TRDN: variants seen among roughly 807,000 people sequenced by gnomAD.
TRDN encodes triadin in skeletal muscle.
A neutral mutation model predicts 149.7 loss-of-function variants in TRDN; 161 were observed. That is an observed-to-expected ratio of 1.08 (90% CI 0.95 to 1.23). TRDN has a LOEUF of 1.23. Ranked by LOEUF, TRDN falls within the 50% of genes most tolerant of loss-of-function variation. TRDN has a pLI of 0.00. For missense variants in TRDN, 896 were observed against 823.5 expected (o/e 1.09, Z -1.08); for synonymous variants, 294 against 250.5 (o/e 1.17, Z -1.64).
chr6:123,390,535 T>C (rs1440266658), intron 13 of TRDN, among the ~76,000 whole-genome samples: 1 of 152,174 alleles, frequency 6.6e-6, no homozygotes, highest in Non-Finnish European at 1.5e-5. Flanking sequence ...GTTTCTGTTG[T>C]TGCCCTGGAT....
chr6:123,604,832 CAG>C (rs1249936973), intron 1 of TRDN, among the ~76,000 whole-genome samples: 2 of 86,298 alleles, frequency 2.3e-5, no homozygotes, highest in Admixed American at 2.2e-4. Context: ...GGTAAATAAA[CAG>C]ACAGTGGTGT....
intron 40 of TRDN, among the ~76,000 whole-genome samples, chr6:123,221,236 G>A (rs1775136676): frequency 6.6e-6 from 1 of 151,774 alleles, no homozygotes; most frequent in African/African-American, 2.4e-5. Flanking sequence ...TCAGAAATAT[G>A]TAGAAGGATT....
intron 9 of TRDN, among the ~76,000 whole-genome samples, chr6:123,492,039 G>T (rs984565357): frequency 6.6e-6 from 1 of 152,120 alleles, no homozygotes; most frequent in Non-Finnish European, 1.5e-5. Flanking sequence ...TAAAATGAGA[G>T]TACTAACTTA....
At chr6:123,305,939 A>C (rs1245396917) in intron 24 of TRDN, among the ~76,000 whole-genome samples, 1 of 152,144 alleles carries the variant, frequency 6.6e-6, no homozygotes, top group African/African-American at 2.4e-5. Context: ...AGTGGCTATA[A>C]CAAGTCTCAG....
intron 12 of TRDN, among the ~76,000 whole-genome samples, chr6:123,402,926 A>T (rs1255177053): frequency 6.6e-6 from 1 of 152,238 alleles, no homozygotes; most frequent in African/African-American, 2.4e-5. Flanking sequence ...ACATAATTTA[A>T]CTAAAGCTTT....
chr6:123,446,999 C>T (rs988627774), intron 10 of TRDN, among the ~76,000 whole-genome samples: 9 of 152,040 alleles, frequency 5.9e-5, no homozygotes, highest in African/African-American at 2.2e-4. Context: ...AGAGTACCTC[C>T]CTTCACATTG....
chr6:123,622,313 A>G (rs567191935), intron 1 of TRDN, among the ~76,000 whole-genome samples: 2 of 123,426 alleles, frequency 1.6e-5, no homozygotes, highest in East Asian at 5.5e-4. Context: ...CTATATATAT[A>G]TACAGACACA....
intron 2 of TRDN, among the ~76,000 whole-genome samples, chr6:123,560,153 AC>A (rs1190893495): frequency 1.3e-5 from 2 of 152,042 alleles, no homozygotes; most frequent in East Asian, 3.9e-4. Context: ...ACTTTTAGAG[AC>A]CCTCAAAATC....
At chr6:123,544,250 C>T (rs1179757787) in intron 4 of TRDN, among the ~76,000 whole-genome samples, 2 of 19,974 alleles carry the variant, frequency 1.0e-4, no homozygotes, top group East Asian at 4.0e-4. Context: ...TGTACATACA[C>T]ACACACACAC....
intron 24 of TRDN, among the ~76,000 whole-genome samples, chr6:123,300,288 A>C (rs1182946976): frequency 6.6e-6 from 1 of 152,048 alleles, no homozygotes; most frequent in East Asian, 1.9e-4. Flanking sequence ...CAAGAAAATC[A>C]GTCTGAAGAA....
Position 123,516,132 on chromosome 6 carries a change from A to C in TRDN, c.550+9T>G. 1 of 1,480,834 alleles carries C rather than the reference A, an allele frequency of 6.8e-7. No individual in the cohort carries two copies. The allele number at this position is 1,480,834 out of a possible 1,614,324, so 91.7% of individuals were successfully genotyped here. The stretch of plus-strand genomic sequence containing the variant: ...AGTGTGTTAAACAGTAATAAAAGTA[A>C]CTTCATACCTTTCTTTTCAGGTTTT... On this transcript the variant is annotated intron_variant, in intron 6 of 40. Coordinates refer to ENST00000334268, the MANE Select transcript of TRDN (RefSeq NM_006073.4).
At chr6:123,450,102 C>CAAAACAGAACCTCTTT (rs1775678402) in intron 10 of TRDN, among the ~76,000 whole-genome samples, 1 of 152,140 alleles carries the variant, frequency 6.6e-6, no homozygotes, top group Non-Finnish European at 1.5e-5. Flanking sequence ...GGAAACACAT[C>CAAAACAGAACCTCTTT]AAAACAGAAC....
At chr6:123,579,685 A>G (rs576905383) in intron 1 of TRDN, among the ~76,000 whole-genome samples, 13 of 151,986 alleles carry the variant, frequency 8.6e-5, no homozygotes, top group Non-Finnish European at 1.6e-4. Flanking sequence ...AGTGCCTCTG[A>G]TGTGGTTAGG....
rs118008992 is a variant in TRDN, at chr6:123,351,297, A to G, written c.1369+1242T>C. 164 of 953,130 alleles carry G rather than the reference A, an allele frequency of 1.7e-4. 1 individual carries two copies. In the East Asian group the frequency reaches 5.0e-3, roughly 29 times the overall value. 59.0% of individuals were successfully genotyped at this position (953,130 alleles called of 1,614,324 possible). A position where few individuals can be genotyped will look rare whatever the true frequency, so the allele number is the denominator to read the frequency against. On this transcript the variant is annotated intron_variant, in intron 21 of 40. Coordinates refer to ENST00000334268, the MANE Select transcript of TRDN (RefSeq NM_006073.4). ...TCACATATGTTTTCATGTTTGCCCT[A>G]TACAACATCTTCTCAGATGGGCAGA...
chr6:123,351,674 C>T (rs1780467803), intron 21 of TRDN: 1 of 945,580 alleles, frequency 1.1e-6, no homozygotes, highest in African/African-American at 1.8e-5. Flanking sequence ...ATATTTATGT[C>T]AAAAGATCTT....
chr6:123,294,762 C>T (rs1778136550), intron 24 of TRDN, among the ~76,000 whole-genome samples: 1 of 152,032 alleles, frequency 6.6e-6, no homozygotes, highest in South Asian at 2.1e-4. Context: ...GTTTTGGGGA[C>T]CCCTGTTTTA....
At chr6:123,581,573 G>A (rs927456514) in intron 1 of TRDN, among the ~76,000 whole-genome samples, 12 of 152,012 alleles carry the variant, frequency 7.9e-5, no homozygotes, top group Admixed American at 2.0e-4. Context: ...AAGGTTATGC[G>A]GTATATAGTG....
intron 39 of TRDN, among the ~76,000 whole-genome samples, chr6:123,223,672 T>TCTTTCTTCCTTCCTTCCTTC: frequency 9.5e-6 from 1 of 105,792 alleles, no homozygotes; most frequent in Admixed American, 1.1e-4. Flanking sequence ...GCCTTCCATT[T>TCTTTCTTCCTTCCTTCCTTC]CTTCCTTCCT....
At chr6:123,613,370 T>C (rs949499335) in intron 1 of TRDN, among the ~76,000 whole-genome samples, 1 of 152,200 alleles carries the variant, frequency 6.6e-6, no homozygotes, top group Non-Finnish European at 1.5e-5. Context: ...ACGTTTTATG[T>C]TTCCTAATTA....
Sources: gnomAD v4.1 joint callset for allele counts (sites outside exome capture counted in the v4.1 genomes callset) on GRCh38, gnomAD v4.1.1 for gene constraint, MANE v1.5 for transcripts, NCBI Gene and HGNC (gene_info 2026-07-23, HGNC 2026-07-21) for gene names.